The following FILIP1L variants were observed in gnomAD, a reference collection of about 807,000 sequenced individuals.
The protein encoded by FILIP1L is filamin A interacting protein 1 like, also known as filamin A-interacting protein 1-like.
Under a neutral mutation model 96.6 loss-of-function variants are expected in FILIP1L, and 55 were observed. The ratio of observed to expected loss-of-function variants is 0.57; its 90% CI spans 0.46 to 0.71. The LOEUF (loss-of-function observed/expected upper bound fraction) is 0.71, where lower values mean the gene tolerates loss of function less well. Among genes scored for constraint, FILIP1L ranks in the 30% least tolerant of loss-of-function variants. The probability of loss-of-function intolerance (pLI) is 0.00; values close to 1 mark genes in which losing one functional copy is unlikely to be tolerated. For synonymous variants in FILIP1L, 467 were observed against 473.9 expected (o/e 0.99, Z 0.19); for missense variants, 1,304 against 1,321.2 (o/e 0.99, Z 0.20).
chr3:99,889,687 C>G (rs1434775252), intron 4 of FILIP1L, among the ~76,000 whole-genome samples: 1 of 151,910 alleles, frequency 6.6e-6, no homozygotes, highest in Non-Finnish European at 1.5e-5. Context: ...TCCTCTCTCT[C>G]TCTACCTTGT....
intron 5 of FILIP1L, among the ~76,000 whole-genome samples, chr3:99,838,712 A>G (rs371588509): frequency 1.4e-4 from 22 of 152,352 alleles, no homozygotes; most frequent in African/African-American, 5.0e-4. Flanking sequence ...GTTTTGTGAC[A>G]TACTAACAGA....
intron 4 of FILIP1L, among the ~76,000 whole-genome samples, chr3:99,862,399 G>T (rs1335499067): frequency 1.3e-5 from 2 of 152,120 alleles, no homozygotes; most frequent in African/African-American, 2.4e-5. Context: ...TGTTTATTGC[G>T]ATCTATTTTA....
chr3:99,852,355 G>A (rs1943738309), intron 4 of FILIP1L, among the ~76,000 whole-genome samples: 1 of 152,188 alleles, frequency 6.6e-6, no homozygotes, highest in Admixed American at 6.5e-5. Context: ...TATTAGGAAT[G>A]AGTTAATTAT....
At chr3:99,896,898 A>G (rs760377849) in intron 4 of FILIP1L, among the ~76,000 whole-genome samples, 11 of 152,248 alleles carry the variant, frequency 7.2e-5, no homozygotes, top group Non-Finnish European at 1.3e-4. Flanking sequence ...CGGGTGCTGA[A>G]GTCCATTTCC....
chr3:100,055,714 G>A (rs2065453377), intron 1 of FILIP1L, among the ~76,000 whole-genome samples: 1 of 152,138 alleles, frequency 6.6e-6, no homozygotes, highest in Non-Finnish European at 1.5e-5. Flanking sequence ...ATTCTTGAGA[G>A]GAGAGTAATT....
intron 1 of FILIP1L, among the ~76,000 whole-genome samples, chr3:100,000,676 T>C (rs538925031): frequency 6.6e-6 from 1 of 152,302 alleles, no homozygotes; most frequent in Admixed American, 6.5e-5. Context: ...GATTGTGCTA[T>C]TGCACTCCAA....
intron 1 of FILIP1L, among the ~76,000 whole-genome samples, chr3:100,021,551 C>A (rs1007526267): frequency 4.6e-5 from 7 of 152,250 alleles, no homozygotes; most frequent in Non-Finnish European, 8.8e-5. Context: ...AAGAAAGGAG[C>A]TATCGTGAGC....
intron 4 of FILIP1L, among the ~76,000 whole-genome samples, chr3:99,866,525 T>C (rs1012729261): frequency 2.6e-5 from 4 of 152,330 alleles, no homozygotes; most frequent in African/African-American, 9.6e-5. Context: ...TTTTGATCCT[T>C]AGAGGACTTT....
At chr3:99,937,730 T>C (rs1248448393) in intron 1 of FILIP1L, among the ~76,000 whole-genome samples, 1 of 152,152 alleles carries the variant, frequency 6.6e-6, no homozygotes, top group African/African-American at 2.4e-5. Context: ...GCTGGTTGGC[T>C]CTGAATAGGA....
At chr3:100,019,575 T>G (rs1408730627) in intron 1 of FILIP1L, among the ~76,000 whole-genome samples, 1 of 152,242 alleles carries the variant, frequency 6.6e-6, no homozygotes, top group Non-Finnish European at 1.5e-5. Context: ...TCTATTTTAA[T>G]GTATTTAAAG....
In FILIP1L at chr3:99,863,418, T is replaced by A. The variant is rs945123625; in HGVS notation, c.606-12348A>T. On this transcript the variant is annotated intron_variant, in intron 4 of 5. Coordinates refer to ENST00000477258, the MANE Select transcript of FILIP1L (RefSeq NM_001387850.1). ...TGTACGTGGGGACTCAAAGTCTGGG[T>A]GGGTTGACTGGGTTAGTACACTGTA... 2.0e-5 allele frequency among the ~76,000 whole-genome samples: 3 copies of A among 152,110 alleles called. No individual in the cohort carries two copies. In the South Asian group the frequency reaches 6.2e-4, roughly 31 times the overall value.
At chr3:99,963,204 G>C (rs1708545632) in intron 1 of FILIP1L, among the ~76,000 whole-genome samples, 1 of 152,218 alleles carries the variant, frequency 6.6e-6, no homozygotes, top group South Asian at 2.1e-4. Flanking sequence ...CTTAATGCTA[G>C]CAACCATGAA....
chr3:99,945,554 A>T (rs74935345), intron 1 of FILIP1L, among the ~76,000 whole-genome samples: 2,378 of 152,278 alleles, frequency 0.016, 37 homozygotes, highest in Non-Finnish European at 0.024. Flanking sequence ...GGAAACAAAG[A>T]ATCATTACTC....
intron 4 of FILIP1L, among the ~76,000 whole-genome samples, chr3:99,887,140 G>A (rs1242649464): frequency 4.0e-5 from 6 of 151,322 alleles, no homozygotes; most frequent in African/African-American, 1.2e-4. Context: ...GCATGGTGGC[G>A]TGCCTGTAAT....
chr3:100,049,198 TA>T (rs2065328629), intron 1 of FILIP1L, among the ~76,000 whole-genome samples: 1 of 152,234 alleles, frequency 6.6e-6, no homozygotes, highest in Non-Finnish European at 1.5e-5. Flanking sequence ...ATATCTTCTC[TA>T]CATTATAGAA....
At chr3:99,881,769 G>T (rs1705737475) in intron 4 of FILIP1L, among the ~76,000 whole-genome samples, 1 of 152,148 alleles carries the variant, frequency 6.6e-6, no homozygotes, top group Non-Finnish European at 1.5e-5. Context: ...CTGACTTCAG[G>T]TGATCTGCCC....
intron 1 of FILIP1L, among the ~76,000 whole-genome samples, chr3:100,088,125 C>A (rs1437932087): frequency 9.9e-5 from 15 of 152,152 alleles, no homozygotes; most frequent in Non-Finnish European, 1.5e-5. Context: ...GCCACTGCAC[C>A]TGGCTCTAAC....
At chr3:99,996,296 T>C (rs919449532) in intron 1 of FILIP1L, among the ~76,000 whole-genome samples, 3 of 152,142 alleles carry the variant, frequency 2.0e-5, no homozygotes, top group Non-Finnish European at 2.9e-5. Flanking sequence ...TCACCTTTGC[T>C]CCAGTTCCCA....
rs1576661129 is a variant in FILIP1L at position 100,037,784 on chromosome 3, G to C, written c.-11+76269C>G. ...TAAGTGAATGTTTAAATGTTTTTGA[G>C]GAAAATGACAGTGATGATAACTTGA... On this transcript the variant is annotated intron_variant, in intron 1 of 5. Coordinates refer to ENST00000477258, the MANE Select transcript of FILIP1L (RefSeq NM_001387850.1). 5.9e-5 allele frequency among the ~76,000 whole-genome samples: 9 copies of C among 152,176 alleles called. No individual in the cohort carries two copies. In the South Asian group the frequency reaches 1.9e-3, roughly 32 times the overall value.
Sources: gnomAD v4.1 joint callset for allele counts (sites outside exome capture counted in the v4.1 genomes callset) on GRCh38, gnomAD v4.1.1 for gene constraint, MANE v1.5 for transcripts, NCBI Gene and HGNC (gene_info 2026-07-23, HGNC 2026-07-21) for gene names.